Variants in HPSE2 observed in about 807,000 individuals in gnomAD.
HPSE2 encodes inactive heparanase-2.
HPSE2 carries 38 observed loss-of-function variants against 60.5 expected under a neutral mutation model. The observed-to-expected ratio is 0.63, with a 90% confidence interval of 0.48 to 0.82. The LOEUF (loss-of-function observed/expected upper bound fraction) is 0.82, where lower values mean the gene tolerates loss of function less well. HPSE2 is among the 40% of genes least tolerant of loss of function. HPSE2 has a pLI of 0.00. For missense variants in HPSE2, 713 were observed against 740.4 expected, an observed-to-expected ratio of 0.96 and a Z score of 0.43; for synonymous variants, 295 against 293.2, an observed-to-expected ratio of 1.01 and a Z score of -0.06.
intron 5 of HPSE2, among the ~76,000 whole-genome samples, chr10:98,699,225 C>T (rs901632855): frequency 0.022 from 3,291 of 151,758 alleles, 105 homozygotes; most frequent in African/African-American, 0.075. Flanking sequence ...TGATGAACAT[C>T]GATGTAAAAA....
At chr10:98,595,858 T>C (rs752853752) in intron 9 of HPSE2, among the ~76,000 whole-genome samples, 1 of 152,202 alleles carries the variant, frequency 6.6e-6, no homozygotes, top group Non-Finnish European at 1.5e-5. Flanking sequence ...TGGACTCTAT[T>C]GTTTTGCGAT....
At chr10:98,978,376 C>G (rs536753311) in intron 3 of HPSE2, among the ~76,000 whole-genome samples, 2 of 152,248 alleles carry the variant, frequency 1.3e-5, no homozygotes, top group South Asian at 4.1e-4. Context: ...ACCATTAACT[C>G]TAGGTTAGCT....
At chr10:98,475,768 G>T (rs1321052043) in intron 11 of HPSE2, among the ~76,000 whole-genome samples, 1 of 151,518 alleles carries the variant, frequency 6.6e-6, no homozygotes, top group African/African-American at 2.4e-5. Flanking sequence ...CACTTCTTCT[G>T]GAAAAAAAAA....
chr10:98,721,726 T>C lies in HPSE2; in HGVS notation c.887A>G (p.Tyr296Cys). 1 of 1,613,854 alleles carries C rather than the reference T, an allele frequency of 6.2e-7. No homozygotes were observed. The highest frequency in any genetic ancestry group is 8.5e-7 in the Non-Finnish European group (1 of 1,179,914). ...LKSLLQPIRI[Y>C]SRASLYGPNI... ...AGGGCCATATAAGCTGGCTCTGGAA[T>C]AAATCCGGATGGGCTGCAACAGGCT... Residue 296 changes from tyrosine (Y) to cysteine (C), a missense_variant, in exon 5 of 12, where the codon TAT (tyrosine) becomes TGT (cysteine). Coordinates refer to ENST00000370552, the MANE Select transcript of HPSE2 (RefSeq NM_021828.5).
intron 6 of HPSE2, among the ~76,000 whole-genome samples, chr10:98,687,194 A>T (rs144535902): frequency 9.6e-4 from 147 of 152,334 alleles, no homozygotes; most frequent in Non-Finnish European, 1.7e-3. Context: ...ACAGGTTAGA[A>T]ATCAATATGG....
chr10:99,062,512 T>C (rs1842478102), intron 3 of HPSE2, among the ~76,000 whole-genome samples: 1 of 152,186 alleles, frequency 6.6e-6, no homozygotes, highest in Non-Finnish European at 1.5e-5. Context: ...TAGCTTTTTT[T>C]TTCTGTTGCA....
chr10:99,176,975 T>G (rs2133817956), intron 2 of HPSE2, among the ~76,000 whole-genome samples: 1 of 152,228 alleles, frequency 6.6e-6, no homozygotes, highest in Admixed American at 6.5e-5. Context: ...TTCAACATTC[T>G]AAAAGAAAAG....
intron 9 of HPSE2, among the ~76,000 whole-genome samples, chr10:98,540,301 A>C (rs554495387): frequency 6.6e-6 from 1 of 152,196 alleles, no homozygotes; most frequent in Admixed American, 6.5e-5. Flanking sequence ...GTTTTCCCCT[A>C]CTTTCTCTTG....
chr10:98,660,438 TG>T (rs1196943996), intron 6 of HPSE2, among the ~76,000 whole-genome samples: 1 of 152,210 alleles, frequency 6.6e-6, no homozygotes, highest in Non-Finnish European at 1.5e-5. Context: ...AACTTATTAT[TG>T]GGGCTCCTTT....
At chr10:98,794,554 T>G (rs1950731201) in intron 3 of HPSE2, among the ~76,000 whole-genome samples, 1 of 152,186 alleles carries the variant, frequency 6.6e-6, no homozygotes. Context: ...TGCATTGCAT[T>G]TAATGTTCAT....
intron 6 of HPSE2, among the ~76,000 whole-genome samples, chr10:98,665,149 T>C (rs1363082491): frequency 2.6e-5 from 4 of 152,196 alleles, no homozygotes; most frequent in Non-Finnish European, 5.9e-5. Context: ...TTTCATAATA[T>C]AATCAGAACC....
rs35318674 is a variant in HPSE2, at chr10:98,906,902, C to CA, written c.611-162847dup. On this transcript the variant is annotated intron_variant, in intron 3 of 11. Transcript: ENST00000370552. Reference sequence around the variant, plus strand: ...CTGGTGACAGACTGAAACTCTGTCTCAAAAAAAAAAAAAAATGCTAGAATA... The same window carrying CA: ...CTGGTGACAGACTGAAACTCTGTCTCAAAAAAAAAAAAAAAATGCTAGAATA... Among the ~76,000 whole-genome samples, 1,029 of 110,694 alleles carry CA rather than the reference C, an allele frequency of 9.3e-3. 10 individuals are homozygous for CA. The highest frequency in any genetic ancestry group is 0.054 in the South Asian group (184 of 3,384). The allele number at this position is 110,694 out of a possible 152,430, so 72.6% of individuals were successfully genotyped here. A position where few individuals can be genotyped will look rare whatever the true frequency, so the allele number is the denominator to read the frequency against.
intron 2 of HPSE2, among the ~76,000 whole-genome samples, chr10:99,199,026 C>CT (rs1483753610): frequency 6.6e-6 from 1 of 152,130 alleles, no homozygotes; most frequent in African/African-American, 2.4e-5. Flanking sequence ...AAACTGCTTT[C>CT]TTTTTAACGC....
At chr10:99,267,657 G>A in the HPSE2 span, among the ~76,000 whole-genome samples, 1 of 151,896 alleles carries the variant, frequency 6.6e-6, no homozygotes, top group East Asian at 1.9e-4. Context: ...GGTGGGGCCT[G>A]TAGTCCCAGC....
intron 9 of HPSE2, among the ~76,000 whole-genome samples, chr10:98,512,310 A>G (rs1474968705): frequency 3.3e-5 from 5 of 152,166 alleles, no homozygotes; most frequent in East Asian, 3.9e-4. Flanking sequence ...GGCCGGGTGC[A>G]GTGGCTCACG....
chr10:98,751,394 CAT>C (rs1488805720), intron 3 of HPSE2, among the ~76,000 whole-genome samples: 2 of 152,158 alleles, frequency 1.3e-5, no homozygotes, highest in African/African-American at 4.8e-5. Flanking sequence ...ACATAGAAAA[CAT>C]AGTTAATTTG....
At chr10:98,573,596 G>A (rs1057361555) in intron 9 of HPSE2, among the ~76,000 whole-genome samples, 1 of 152,140 alleles carries the variant, frequency 6.6e-6, no homozygotes, top group Non-Finnish European at 1.5e-5. Context: ...TCTTAGGATG[G>A]AAAATGGAAA....
In HPSE2 at chr10:99,235,625, G is replaced by A; in HGVS notation, c.178C>T (p.Leu60=). 6.2e-7 allele frequency: 1 copy of A among 1,614,068 alleles called. No homozygotes were observed. Among genetic ancestry groups the A allele is most frequent in the Non-Finnish European group, 8.5e-7 (1 of 1,180,022 alleles). The change falls in exon 1 of 12, where the codon CTG becomes TTG. Residue 60 remains leucine, a synonymous_variant. Coordinates refer to ENST00000370552, the MANE Select transcript of HPSE2 (RefSeq NM_021828.5). ...DRAAGLKEKT[L]ILLDVSTKNP... is the part of the protein sequence containing the mutation. ...TTGGTGCTCACATCAAGTAGAATCA[G>A]GGTCTTTTCCTTCAAACCTGCAGCT... is the stretch of plus-strand genomic sequence containing the variant.
At chr10:98,997,067 A>T (rs910518370) in intron 3 of HPSE2, among the ~76,000 whole-genome samples, 5 of 144,530 alleles carry the variant, frequency 3.5e-5, no homozygotes, top group African/African-American at 1.0e-4. Flanking sequence ...ATTCCTTTTT[A>T]TTTCCTGTCC....
Sources: gnomAD v4.1 joint callset for allele counts (sites outside exome capture counted in the v4.1 genomes callset) on GRCh38, gnomAD v4.1.1 for gene constraint, MANE v1.5 for transcripts, NCBI Gene and HGNC (gene_info 2026-07-23, HGNC 2026-07-21) for gene names.